The following KLHL20 variants were observed in gnomAD, a reference collection of about 807,000 sequenced individuals.
KLHL20 encodes the protein kelch like family member 20, also known as kelch-like protein 20.
Under a neutral mutation model 69.5 loss-of-function variants are expected in KLHL20, and 29 were observed. The ratio of observed to expected loss-of-function variants is 0.42; its 90% CI spans 0.31 to 0.57. The LOEUF (loss-of-function observed/expected upper bound fraction) is 0.57. Among genes scored for constraint, KLHL20 ranks in the 20% least tolerant of loss-of-function variants. The pLI is 0.18. For missense variants in KLHL20, 419 were observed against 776.0 expected (o/e 0.54, Z 5.47); for synonymous variants, 253 against 265.2 (o/e 0.95, Z 0.45).
intron 2 of KLHL20, among the ~76,000 whole-genome samples, chr1:173,725,406 A>T (rs1671908058): frequency 6.6e-6 from 1 of 152,096 alleles, no homozygotes; most frequent in Admixed American, 6.5e-5. Context: ...TGATCCAGTG[A>T]TCCATTCTAT....
intron 7 of KLHL20, among the ~76,000 whole-genome samples, chr1:173,763,014 A>T (rs1647417587): frequency 6.6e-6 from 1 of 152,340 alleles, no homozygotes; most frequent in Non-Finnish European, 1.5e-5. Context: ...AACTGATAAA[A>T]GAATTCAGCA....
chr1:173,734,341 C>A, intron 3 of KLHL20, 55 bp downstream of exon 3: 1 of 1,428,146 alleles, frequency 7.0e-7, no homozygotes, highest in South Asian at 1.2e-5. Context: ...AATATGGGTT[C>A]ACATTCTGCT....
chr1:173,719,390 A>G (rs1179008775), intron 2 of KLHL20, among the ~76,000 whole-genome samples: 2 of 152,090 alleles, frequency 1.3e-5, no homozygotes, highest in Non-Finnish European at 2.9e-5. Flanking sequence ...AGGCGGGCAG[A>G]TCACAAGGTC....
chr1:173,746,885 T>G (rs1673083569), intron 3 of KLHL20, among the ~76,000 whole-genome samples: 1 of 152,086 alleles, frequency 6.6e-6, no homozygotes, highest in Admixed American at 6.5e-5. Flanking sequence ...GGATCACTAG[T>G]TTTAATATAT....
intron 2 of KLHL20, among the ~76,000 whole-genome samples, chr1:173,728,917 C>T (rs1672114117): frequency 1.3e-5 from 2 of 152,044 alleles, no homozygotes; most frequent in South Asian, 2.1e-4. Flanking sequence ...AAAACCCCTT[C>T]AAAAAATCAA....
chr1:173,721,632 A>C (rs1197577425), intron 2 of KLHL20, among the ~76,000 whole-genome samples: 1 of 152,234 alleles, frequency 6.6e-6, no homozygotes, highest in Non-Finnish European at 1.5e-5. Context: ...CAAGGCACCC[A>C]AGGCTTATGC....
At chr1:173,718,843 G>A (rs1671582760) in intron 2 of KLHL20, among the ~76,000 whole-genome samples, 1 of 151,600 alleles carries the variant, frequency 6.6e-6, no homozygotes, top group African/African-American at 2.4e-5. Context: ...GGTGGCTCAC[G>A]CCTGTAATCC....
Position 173,755,974 on chromosome 1 carries a change from A to T in KLHL20, c.903A>T (p.Pro301=), listed in dbSNP as rs760413349. The part of the protein sequence containing the change: ...KNYLLLPQER[P]LMQGPRTRPR... ...ACCTCCTATTGCCGCAAGAACGACC[A>T]CTAATGCAAGGACCAAGGACGAGAC... Residue 301 remains proline (P), a synonymous_variant, in exon 6 of 12, where the codon CCA becomes CCT. Coordinates refer to ENST00000209884, the MANE Select transcript of KLHL20 (RefSeq NM_014458.4). 1.2e-6 allele frequency: 2 copies of T among 1,614,118 alleles called. No individual in the cohort carries two copies. Among genetic ancestry groups the T allele is most frequent in the Non-Finnish European group, 1.7e-6 (2 of 1,180,012 alleles).
chr1:173,732,787 AT>A (rs1382549385), intron 2 of KLHL20, among the ~76,000 whole-genome samples: 2 of 152,140 alleles, frequency 1.3e-5, no homozygotes, highest in African/African-American at 4.8e-5. Flanking sequence ...AACCTCAGTG[AT>A]TCAGACCAAT....
At chr1:173,724,814 A>T (rs1296483077) in intron 2 of KLHL20, among the ~76,000 whole-genome samples, 1 of 152,190 alleles carries the variant, frequency 6.6e-6, no homozygotes, top group Non-Finnish European at 1.5e-5. Flanking sequence ...CAAAGAAAAG[A>T]TACAAATTTG....
chr1:173,733,905 A>C lies in KLHL20; in HGVS notation c.216A>C (p.Leu72=). The C allele has an allele frequency of 4.3e-6, 7 of 1,614,150 alleles. No homozygotes were observed. The highest frequency in any genetic ancestry group is 5.1e-6 in the Non-Finnish European group (6 of 1,180,028). The change falls in exon 3 of 12, where the codon CTA becomes CTC. Residue 72 remains leucine, a synonymous_variant. Coordinates refer to ENST00000209884, the MANE Select transcript of KLHL20 (RefSeq NM_014458.4). ...RKHRELCDVV[L]VVGAKKIYAH... ...ACCGGGAGCTATGTGATGTGGTGCTAGTTGTGGGCGCCAAGAAGATATATG... is the reference window on the plus strand; with the variant it reads ...ACCGGGAGCTATGTGATGTGGTGCTCGTTGTGGGCGCCAAGAAGATATATG...
At chr1:173,730,567 A>G (rs905344577) in intron 2 of KLHL20, among the ~76,000 whole-genome samples, 5 of 152,174 alleles carry the variant, frequency 3.3e-5, no homozygotes, top group African/African-American at 9.7e-5. Context: ...ATAATGCCAC[A>G]TATCTACAAC....
intron 7 of KLHL20, among the ~76,000 whole-genome samples, chr1:173,757,664 C>CAAA (rs906943946): frequency 1.7e-5 from 1 of 59,054 alleles, no homozygotes; most frequent in African/African-American, 6.4e-5. Flanking sequence ...GACTCCTTCT[C>CAAA]AAAAAAAAAA....
At chr1:173,783,880 G>T (rs1353868439) in intron 11 of KLHL20, among the ~76,000 whole-genome samples, 1 of 146,918 alleles carries the variant, frequency 6.8e-6, no homozygotes, top group Non-Finnish European at 1.5e-5. Flanking sequence ...AAAAAAAAAA[G>T]ATTTACTAAG....
In KLHL20 at chr1:173,757,158, A is replaced by C; in HGVS notation, c.1150A>C (p.Arg384=). 1.2e-6 allele frequency: 2 copies of C among 1,601,678 alleles called. No homozygotes were observed. Among genetic ancestry groups the C allele is most frequent in the Non-Finnish European group, 1.7e-6 (2 of 1,171,474 alleles). ...DGSSYLNSVE[R]YDPKTNQWSS... The stretch of plus-strand genomic sequence containing the variant: ...ATCCTCTTATCTCAATAGTGTTGAA[A>C]GGTGAGTAAGGTCAATCTGTAATTT... The change falls in exon 7 of 12, where the codon AGG becomes CGG. Residue 384 remains arginine (R), a splice_region_variant and synonymous_variant. Coordinates refer to ENST00000209884, the MANE Select transcript of KLHL20 (RefSeq NM_014458.4).
At chr1:173,764,869 T>A (rs1427145077) in intron 7 of KLHL20, among the ~76,000 whole-genome samples, 2 of 142,878 alleles carry the variant, frequency 1.4e-5, no homozygotes, top group Non-Finnish European at 3.2e-5. Flanking sequence ...CCCCAATAAC[T>A]TATGGAAAAA....
At position 173,782,130 on chromosome 1, in the gene KLHL20, C is replaced by T; in HGVS notation, c.1645C>T (p.Leu549=). Residue 549 remains leucine, a synonymous_variant, in exon 11 of 12, where the codon CTG becomes TTG. Coordinates refer to ENST00000209884, the MANE Select transcript of KLHL20 (RefSeq NM_014458.4). ...CTGTATTTTGGTTTTGTAGGTTGGCCTGGCAGTGGTCAATGGACAGCTCAT... is the reference window on the plus strand; with the variant it reads ...CTGTATTTTGGTTTTGTAGGTTGGCTTGGCAGTGGTCAATGGACAGCTCAT... ...AMTSRRSGVG[L]AVVNGQLMAV... 1 of 1,613,624 alleles carries T rather than the reference C, an allele frequency of 6.2e-7. No individual in the cohort carries two copies. The highest frequency in any genetic ancestry group is 1.3e-5 in the African/African-American group (1 of 75,020).
intron 7 of KLHL20, among the ~76,000 whole-genome samples, chr1:173,764,970 A>G (rs1427697545): frequency 6.6e-6 from 1 of 152,188 alleles, no homozygotes; most frequent in African/African-American, 2.4e-5. Flanking sequence ...TAGCCTATAT[A>G]TGTCAAAATG....
intron 8 of KLHL20, among the ~76,000 whole-genome samples, chr1:173,768,045 T>C (rs35754031): frequency 6.6e-6 from 1 of 152,158 alleles, no homozygotes; most frequent in Non-Finnish European, 1.5e-5. Context: ...GTGAAATCTG[T>C]TCTGATTTTT....
Sources: allele counts gnomAD v4.1 joint callset (sites outside exome capture counted in the v4.1 genomes callset), GRCh38; gene constraint gnomAD v4.1.1; transcripts MANE v1.5; gene names NCBI Gene and HGNC (gene_info 2026-07-23, HGNC 2026-07-21).